The following ZNF519 variants were observed in gnomAD, a reference collection of about 807,000 sequenced individuals.
ZNF519 encodes similar to Zinc finger protein 85 (Zinc finger protein HPF4) (HTF1).
In ZNF519, 7 loss-of-function variants were observed where a neutral mutation model predicts 7.4. That is an observed-to-expected ratio of 0.94 (90% CI 0.54 to 1.77). The LOEUF (loss-of-function observed/expected upper bound fraction) is 1.77, where lower values mean the gene tolerates loss of function less well. Ranked by LOEUF, ZNF519 falls within the 40% of genes most tolerant of loss-of-function variation. ZNF519 has a pLI of 0.00. For missense variants in ZNF519, 586 were observed against 623.1 expected (o/e 0.94, Z 0.63); for synonymous variants, 179 against 203.3 (o/e 0.88, Z 1.02).
chr18:14,107,838 T>C (rs977364518), intron 2 of ZNF519, among the ~76,000 whole-genome samples: 3 of 152,164 alleles, frequency 2.0e-5, no homozygotes, highest in African/African-American at 7.2e-5. Context: ...ATGAGGCTCT[T>C]CTGCCTGTGG....
At chr18:14,099,658 G>A (rs2046151168), downstream of ZNF519, among the ~76,000 whole-genome samples, 1 of 152,120 alleles carries the variant, frequency 6.6e-6, no homozygotes, top group Non-Finnish European at 1.5e-5. Flanking sequence ...TAACACAAAA[G>A]GAGATGGTTA....
intron 2 of ZNF519, among the ~76,000 whole-genome samples, chr18:14,087,232 A>T (rs149097462): frequency 6.6e-6 from 1 of 152,324 alleles, no homozygotes; most frequent in Admixed American, 6.5e-5. Flanking sequence ...CAGAACCATC[A>T]TACTGAATGG....
At chr18:14,081,918 T>C (rs1400263470) in intron 3 of ZNF519, among the ~76,000 whole-genome samples, 2 of 152,136 alleles carry the variant, frequency 1.3e-5, no homozygotes, top group African/African-American at 4.8e-5. Context: ...TACAGTTTCT[T>C]TGAGATGTAA....
chr18:14,122,517 A>G (rs1186589831), intron 2 of ZNF519: 2 of 152,170 alleles, frequency 1.3e-5, no homozygotes, highest in African/African-American at 4.8e-5. Context: ...ATGTATCCAA[A>G]ACCAATGGAA....
intron 4 of ZNF519, chr18:14,077,640 G>A (rs9945512): frequency 7.2e-5 from 11 of 152,208 alleles, no homozygotes; most frequent in Non-Finnish European, 1.6e-4. Context: ...CCTCCAGAGA[G>A]ATGTGAGTGT....
chr18:14,091,282 C>T (rs1280765845), intron 2 of ZNF519, among the ~76,000 whole-genome samples: 1 of 151,976 alleles, frequency 6.6e-6, no homozygotes, highest in Non-Finnish European at 1.5e-5. Flanking sequence ...TTAAAGAAAT[C>T]CTCTTGGATT....
chr18:14,101,581 A>C lies in ZNF519; in HGVS notation c.*3336T>G, dbSNP rs1445602097. On this transcript the variant is annotated 3_prime_UTR_variant, in exon 3 of 3. Coordinates refer to ENST00000590202, the MANE Select transcript of ZNF519 (RefSeq NM_145287.4). The stretch of plus-strand genomic sequence containing the variant: ...ACTCAATAGGGAAAGCCAAGGCACA[A>C]AGTCCTGTGAGTCATCAAGGTGGAG... 2.5e-6 allele frequency: 1 copy of C among 398,202 alleles called. No individual in the cohort carries two copies. Among genetic ancestry groups the C allele is most frequent in the East Asian group, 3.6e-5 (1 of 28,066 alleles). The allele number at this position is 398,202 out of a possible 1,614,324, so 24.7% of individuals were successfully genotyped here.
At chr18:14,126,096 A>G (rs1350174828) in intron 1 of ZNF519, among the ~76,000 whole-genome samples, 1 of 152,160 alleles carries the variant, frequency 6.6e-6, no homozygotes, top group African/African-American at 2.4e-5. Flanking sequence ...CAGTAGGGGT[A>G]GTCACTCCAA....
intron 2 of ZNF519, among the ~76,000 whole-genome samples, chr18:14,092,325 T>A (rs2046117768): frequency 6.6e-6 from 1 of 152,004 alleles, no homozygotes; most frequent in Non-Finnish European, 1.5e-5. Flanking sequence ...GAGAAGTGCA[T>A]GTGGATGGGA....
At chr18:14,130,776 T>C (rs2046325483) in intron 1 of ZNF519, among the ~76,000 whole-genome samples, 1 of 152,052 alleles carries the variant, frequency 6.6e-6, no homozygotes, top group Admixed American at 6.5e-5. Flanking sequence ...AGTCTATCTT[T>C]TTCTCTGAAT....
At chr18:14,118,581 G>A (rs2046256631) in intron 2 of ZNF519, among the ~76,000 whole-genome samples, 1 of 152,154 alleles carries the variant, frequency 6.6e-6, no homozygotes, top group Admixed American at 6.5e-5. Context: ...CAAAGATCAA[G>A]GAGGGTCATT....
chr18:14,092,231 G>C (rs1027682082), intron 2 of ZNF519, among the ~76,000 whole-genome samples: 1 of 152,068 alleles, frequency 6.6e-6, no homozygotes, highest in Non-Finnish European at 1.5e-5. Flanking sequence ...AAGAAGAGGG[G>C]AGTCAGGACC....
intron 2 of ZNF519, among the ~76,000 whole-genome samples, chr18:14,120,400 A>ATTAT (rs2143157590): frequency 6.6e-6 from 1 of 152,250 alleles, no homozygotes; most frequent in African/African-American, 2.4e-5. Flanking sequence ...AATTAACTAA[A>ATTAT]AATAAAAGAC....
chr18:14,087,224 G>A (rs145000721), intron 2 of ZNF519, among the ~76,000 whole-genome samples: 203 of 152,146 alleles, frequency 1.3e-3, no homozygotes, highest in African/African-American at 4.6e-3. Context: ...ATATATAACA[G>A]AACCATCATA....
chr18:14,114,327 T>C (rs1459483013), intron 2 of ZNF519, among the ~76,000 whole-genome samples: 1 of 152,186 alleles, frequency 6.6e-6, no homozygotes. Context: ...CAGCAAGAGA[T>C]AGGGGTCTAG....
rs369215868 is a variant in ZNF519 at position 14,106,415 on chromosome 18, A to G, written c.131-6T>C. 1.3e-6 allele frequency: 2 copies of G among 1,558,156 alleles called. No homozygotes were observed. The highest frequency in any genetic ancestry group is 2.8e-5 in the African/African-American group (2 of 72,050). On this transcript the variant is annotated splice_polypyrimidine_tract_variant and splice_region_variant and intron_variant, in intron 2 of 2. Transcript: ENST00000590202. ...GTTGTAATAAGAATACACAGCTGAA[A>G]GAAGTAAAAATAACTAATTATTCTA... is the stretch of plus-strand genomic sequence containing the variant.
intron 2 of ZNF519, chr18:14,123,192 G>T: frequency 4.2e-6 from 1 of 237,246 alleles, no homozygotes; most frequent in Non-Finnish European, 8.4e-6. Context: ...ACCAGGTCTG[G>T]TTAGAGATAG....
intron 2 of ZNF519, chr18:14,121,656 C>T (rs978973231): frequency 6.6e-6 from 1 of 152,000 alleles, no homozygotes; most frequent in South Asian, 2.1e-4. Context: ...TTTTCTTAAA[C>T]AATATGTTGC....
At chr18:14,123,457 G>A (rs917800221) in intron 2 of ZNF519, among the ~76,000 whole-genome samples, 7 of 152,136 alleles carry the variant, frequency 4.6e-5, no homozygotes, top group African/African-American at 1.2e-4. Context: ...GGTGGCTCAC[G>A]CCTGTAATCT....
Sources: gnomAD v4.1 joint callset for allele counts (sites outside exome capture counted in the v4.1 genomes callset) on GRCh38, gnomAD v4.1.1 for gene constraint, MANE v1.5 for transcripts, NCBI Gene and HGNC (gene_info 2026-07-23, HGNC 2026-07-21) for gene names.